The following CDKN2A variants were observed in gnomAD, a reference collection of about 807,000 sequenced individuals.
The protein encoded by CDKN2A is cyclin-dependent kinase inhibitor 2A.
In CDKN2A, 3 loss-of-function variants were observed where a neutral mutation model predicts 11.1. The ratio of observed to expected loss-of-function variants is 0.27; its 90% confidence interval spans 0.12 to 0.70. The LOEUF (loss-of-function observed/expected upper bound fraction) is 0.70. Ranked by LOEUF, CDKN2A falls within the 30% of genes least tolerant of loss-of-function variation. CDKN2A has a pLI of 0.77. For synonymous variants in CDKN2A, 122 were observed against 108.1 expected, an observed-to-expected ratio of 1.13 and a Z score of -0.80; for missense variants, 265 against 233.6, an observed-to-expected ratio of 1.13 and a Z score of -0.88.
chr9:21,989,363 T>G (rs1820370271), intron 2 of CDKN2A: 2 of 152,198 alleles, frequency 1.3e-5, no homozygotes, highest in African/African-American at 4.8e-5. Context: ...TTACTTTTTT[T>G]TATTCTAATC....
chr9:21,987,432 CAGAGAGAGAGAGAGAGAG>C (rs57973132), intron 2 of CDKN2A, among the ~76,000 whole-genome samples: 3 of 138,196 alleles, frequency 2.2e-5, no homozygotes, highest in South Asian at 4.8e-4. Flanking sequence ...CACACACACA[CAGAGAGAGAGAGAGAGAG>C]AGAGAGATCC....
chr9:21,970,712 G>C (rs896512165), intron 2 of CDKN2A, 190 bp downstream of exon 2: 9 of 695,068 alleles, frequency 1.3e-5, no homozygotes, highest in Admixed American at 2.4e-5. Flanking sequence ...AGTCCATTTC[G>C]GGATTATTTC....
At chr9:21,971,281 C>G in intron 1 of CDKN2A, 73 bp from the exon 2 acceptor site, 1 of 1,545,002 alleles carries the variant, frequency 6.5e-7, no homozygotes, top group Middle Eastern at 1.8e-4. Flanking sequence ...GTGTAGAGCC[C>G]CCTCACCGCC....
chr9:21,971,575 A>ATTTTTTTTTTTTTTTTTTTTTTTT lies in CDKN2A; in HGVS notation c.151-368_151-367insAAAAAAAAAAAAAAAAAAAAAAAA, dbSNP rs59981968. Among the ~76,000 whole-genome samples, 334 of 111,308 alleles carry ATTTTTTTTTTTTTTTTTTTTTTTT rather than the reference A, an allele frequency of 3.0e-3. 15 individuals are homozygous for ATTTTTTTTTTTTTTTTTTTTTTTT. The highest frequency in any genetic ancestry group is 9.4e-3 in the African/African-American group (216 of 22,862). 73.0% of individuals were successfully genotyped at this position (111,308 alleles called of 152,430 possible). ...TCCTGAAATTATGTTAGGCCTGGAG[A>ATTTTTTTTTTTTTTTTTTTTTTTT]TTTTTTTTTTTTTTTTTGTTCACTG... On this transcript the variant is annotated intron_variant, in intron 1 of 2. Transcript: ENST00000304494.
rs1820362130 is a variant in CDKN2A, at chr9:21,988,935, C to CG, written c.-4+4946dup. ...CGTTCTTTGGTCCACCAAGCCCTATCGTTCTGCTCTTTGGAAATTCTCCCT... is the reference window on the plus strand; with the variant it reads ...CGTTCTTTGGTCCACCAAGCCCTATCGGTTCTGCTCTTTGGAAATTCTCCCT... On this transcript the variant is annotated intron_variant, in intron 2 of 3. Coordinates refer to the CDKN2A transcript ENST00000494262. This position sits in a 1 kb window ranked among gnomAD's most constrained non-coding sequence, Gnocchi z 4.1. Among the ~76,000 whole-genome samples the CG allele has an allele frequency of 6.6e-6, 1 of 152,210 alleles. No homozygotes were observed. The highest frequency in any genetic ancestry group is 6.5e-5 in the Admixed American group (1 of 15,276).
At chr9:21,974,876 G>C (rs1064793081), upstream of CDKN2A, 4 of 1,474,452 alleles carry the variant, frequency 2.7e-6, no homozygotes, top group South Asian at 2.8e-5. The surrounding 1 kb of genome is among the most constrained non-coding windows in gnomAD (Gnocchi z 5.2). Flanking sequence ...CGCAGCCGCC[G>C]AGCGCACGCG....
rs1820582087 is a variant in CDKN2A at position 21,995,079 on chromosome 9, G to A, written c.-434C>T. On this transcript the variant is annotated 5_prime_UTR_variant, in exon 1 of 4. Coordinates refer to the CDKN2A transcript ENST00000494262. This position sits in a 1 kb window ranked among gnomAD's most constrained non-coding sequence, Gnocchi z 5.7. Reference sequence around the variant, plus strand: ...AAAACAAGCGAAATTAAACTAAACCGCTGCACGCCTCTGACGCGACATCTG... The same window carrying A: ...AAAACAAGCGAAATTAAACTAAACCACTGCACGCCTCTGACGCGACATCTG... 1 of 152,122 alleles carries A rather than the reference G, an allele frequency of 6.6e-6. No individual in the cohort carries two copies. The highest frequency in any genetic ancestry group is 1.5e-5 in the Non-Finnish European group (1 of 68,026). The allele number at this position is 152,122 out of a possible 1,614,324, so 9.4% of individuals were successfully genotyped here. A position where few individuals can be genotyped will look rare whatever the true frequency, so the allele number is the denominator to read the frequency against.
At position 21,991,996 on chromosome 9, in the gene CDKN2A, TG is replaced by T. The variant is rs1381790806; in HGVS notation, c.-4+1885del. 1.0e-6 allele frequency: 1 copy of T among 984,526 alleles called. No individual in the cohort carries two copies. The highest frequency in any genetic ancestry group is 1.2e-6 in the Non-Finnish European group (1 of 829,114). The allele number at this position is 984,526 out of a possible 1,614,324, so 61.0% of individuals were successfully genotyped here. On this transcript the variant is annotated intron_variant, in intron 2 of 3. Coordinates refer to the CDKN2A transcript ENST00000494262. The surrounding 1 kb of genome is among the most constrained non-coding windows in gnomAD (Gnocchi z 5.2). ...AATAAAAATATGACTATTTTGTAAA[TG>T]CACCAAGGTAGAAGTAACAAATCAA...
chr9:21,974,951 GC>G (rs1819977311), upstream of CDKN2A: 1 of 1,421,074 alleles, frequency 7.0e-7, no homozygotes, highest in Non-Finnish European at 9.1e-7. The surrounding 1 kb of genome is among the most constrained non-coding windows in gnomAD (Gnocchi z 5.2). Context: ...TGGCGGAAGA[GC>G]CCCCTCCGAC....
rs1025333664 is a variant in CDKN2A, at chr9:21,974,672, A to G, written c.150+6T>C. 3 of 1,613,448 alleles carry G rather than the reference A, an allele frequency of 1.9e-6. No individual in the cohort carries two copies. Among genetic ancestry groups the G allele is most frequent in the Non-Finnish European group, 2.5e-6 (3 of 1,179,936 alleles). On this transcript the variant is annotated splice_donor_region_variant and intron_variant, in intron 1 of 2. Coordinates refer to ENST00000304494, the MANE Select transcript of CDKN2A (RefSeq NM_000077.5). The surrounding 1 kb of genome is among the most constrained non-coding windows in gnomAD (Gnocchi z 5.2). ...CCCCTGCTCCCGCTGCAGACCCTCT[A>G]CCCACCTGGATCGGCCTCCGACCGT...
At position 21,974,400 on chromosome 9, in the gene CDKN2A, A is replaced by C. The variant is rs549407023; in HGVS notation, c.150+278T>G. On this transcript the variant is annotated intron_variant, in intron 1 of 2. Transcript: ENST00000304494. This position sits in a 1 kb window ranked among gnomAD's most constrained non-coding sequence, Gnocchi z 5.2. The stretch of plus-strand genomic sequence containing the variant: ...GTAAATTTTGTATCTGATAAAGAGC[A>C]TACTTCCATCTAATACAAATATGTT... The C allele has an allele frequency of 2.5e-5, 39 of 1,590,250 alleles. No individual in the cohort carries two copies. In the African/African-American group the frequency reaches 3.5e-4, roughly 14 times the overall value.
chr9:21,968,510 C>G lies in CDKN2A; in HGVS notation c.458-268G>C. On this transcript the variant is annotated intron_variant, in intron 2 of 2. Coordinates refer to ENST00000304494, the MANE Select transcript of CDKN2A (RefSeq NM_000077.5). The surrounding 1 kb of genome is among the most constrained non-coding windows in gnomAD (Gnocchi z 4.7). ...CGGCGGAGGGCAGAGAAAGCGCGAC[C>G]GCGCGGCCCGCAGGGTTGCAAGAAG... 2 of 1,450,880 alleles carry G rather than the reference C, an allele frequency of 1.4e-6. No individual in the cohort carries two copies. Among genetic ancestry groups the G allele is most frequent in the South Asian group, 1.5e-5 (1 of 68,500 alleles). The allele number at this position is 1,450,880 out of a possible 1,614,324, so 89.9% of individuals were successfully genotyped here.
At chr9:21,993,071 A>G (rs1820468907) in intron 2 of CDKN2A, among the ~76,000 whole-genome samples, 1 of 152,256 alleles carries the variant, frequency 6.6e-6, no homozygotes, top group African/African-American at 2.4e-5. Flanking sequence ...TTATATTTCC[A>G]TGTCAAAGAG....
chr9:21,969,140 C>T (rs947439123), intron 2 of CDKN2A, among the ~76,000 whole-genome samples: 8 of 152,200 alleles, frequency 5.3e-5, no homozygotes, highest in Non-Finnish European at 1.0e-4. Context: ...GGCAAGATAG[C>T]TTGGGACTGT....
In CDKN2A at chr9:21,991,298, T is replaced by G. The variant is rs1362712352; in HGVS notation, c.-4+2584A>C. 1.3e-5 allele frequency among the ~76,000 whole-genome samples: 2 copies of G among 151,730 alleles called. No individual in the cohort carries two copies. The highest frequency in any genetic ancestry group is 2.4e-5 in the African/African-American group (1 of 41,290). On this transcript the variant is annotated intron_variant, in intron 2 of 3. Transcript: ENST00000494262. The surrounding 1 kb of genome is among the most constrained non-coding windows in gnomAD (Gnocchi z 5.2). ...ACACTTTCTTAAAGTATCATGAGTT[T>G]TTTTTTTTTTTTAAGCTCATCAGCT... is the stretch of plus-strand genomic sequence containing the variant.
chr9:21,991,835 T>G lies in CDKN2A; in HGVS notation c.-4+2047A>C. 1.0e-6 allele frequency: 1 copy of G among 985,126 alleles called. No homozygotes were observed. The highest frequency in any genetic ancestry group is 1.2e-6 in the Non-Finnish European group (1 of 829,690). 61.0% of individuals were successfully genotyped at this position (985,126 alleles called of 1,614,324 possible). ...TTCACTTGGAACACAATACAAACTG[T>G]GAATCATGTACACATGGGGAATAAT... On this transcript the variant is annotated intron_variant, in intron 2 of 3. Coordinates refer to the CDKN2A transcript ENST00000494262. The surrounding 1 kb of genome is among the most constrained non-coding windows in gnomAD (Gnocchi z 5.2).
intron 2 of CDKN2A, chr9:21,970,403 G>A: frequency 6.6e-6 from 2 of 303,124 alleles, no homozygotes; most frequent in Non-Finnish European, 1.2e-5. Flanking sequence ...TAGCTGAGGA[G>A]GGTCAGATTA....
upstream of CDKN2A, among the ~76,000 whole-genome samples, chr9:21,978,288 T>A (rs987317850): frequency 2.6e-5 from 4 of 151,846 alleles, no homozygotes; most frequent in Non-Finnish European, 5.9e-5. Context: ...ATTAAAAAAA[T>A]ATTATGTAAA....
At chr9:21,977,276 G>A (rs1820059940), upstream of CDKN2A, among the ~76,000 whole-genome samples, 1 of 152,194 alleles carries the variant, frequency 6.6e-6, no homozygotes. Context: ...TATGATGGAG[G>A]AGGAAGAAAG....
Sources: allele counts gnomAD v4.1 joint callset (sites outside exome capture counted in the v4.1 genomes callset), GRCh38; gene constraint gnomAD v4.1.1; non-coding constraint Gnocchi (gnomAD v3.1); transcripts MANE v1.5; gene names NCBI Gene and HGNC (gene_info 2026-07-23, HGNC 2026-07-21).